ROBO2: variants seen among roughly 807,000 people sequenced by gnomAD.
ROBO2 encodes the protein roundabout guidance receptor 2, also known as roundabout homolog 2.
A neutral mutation model predicts 160.8 loss-of-function variants in ROBO2; 53 were observed. The ratio of observed to expected loss-of-function variants is 0.33; its 90% CI spans 0.26 to 0.41. The LOEUF (loss-of-function observed/expected upper bound fraction) is 0.41. ROBO2 is among the 10% of genes least tolerant of loss of function. The pLI, the probability that ROBO2 is intolerant of heterozygous loss-of-function variation, is 1.00. For missense variants in ROBO2, 1,577 were observed against 1,722.4 expected (o/e 0.92, Z 1.49); for synonymous variants, 664 against 611.7 (o/e 1.09, Z -1.26).
rs76557764 is a variant in ROBO2 at position 76,132,402 on chromosome 3, G to T, written c.109+194800G>T. 1.0e-3 allele frequency among the ~76,000 whole-genome samples: 64 copies of T among 62,796 alleles called. 11 individuals are homozygous for T. Among genetic ancestry groups the T allele is most frequent in the Non-Finnish European group, 2.8e-3 (54 of 19,184 alleles). 41.2% of individuals were successfully genotyped at this position (62,796 alleles called of 152,430 possible). A position where few individuals can be genotyped will look rare whatever the true frequency, so the allele number is the denominator to read the frequency against. On this transcript the variant is annotated intron_variant, in intron 2 of 26. Coordinates refer to the ROBO2 transcript ENST00000487694. ...CCCAAATTCCAGACTGTTGGGGGGG[G>T]GGGGGGACGCAGATGTTCAGCATAA...
At chr3:77,226,622 T>C (rs2151245429) in intron 2 of ROBO2, among the ~76,000 whole-genome samples, 1 of 152,270 alleles carries the variant, frequency 6.6e-6, no homozygotes, top group East Asian at 1.9e-4. Context: ...GATGGGGTTA[T>C]GTCCTGATAA....
chr3:76,745,359 A>G (rs1239545171), intron 2 of ROBO2, among the ~76,000 whole-genome samples: 1 of 151,864 alleles, frequency 6.6e-6, no homozygotes, highest in Non-Finnish European at 1.5e-5. Context: ...GTGTGATTTC[A>G]GTTCTCTTTA....
At chr3:77,370,639 A>G (rs902007537) in intron 2 of ROBO2, among the ~76,000 whole-genome samples, 2 of 152,228 alleles carry the variant, frequency 1.3e-5, no homozygotes, top group African/African-American at 2.4e-5. Flanking sequence ...GCCCACTGCC[A>G]TTTTTTGGTA....
chr3:76,965,529 T>C (rs1406341369), intron 2 of ROBO2, among the ~76,000 whole-genome samples: 1 of 152,162 alleles, frequency 6.6e-6, no homozygotes, highest in Admixed American at 6.5e-5. Context: ...TACCTATGCT[T>C]GTGCCAGACC....
At chr3:76,361,233 A>G (rs2075500304) in intron 2 of ROBO2, among the ~76,000 whole-genome samples, 1 of 152,066 alleles carries the variant, frequency 6.6e-6, no homozygotes, top group African/African-American at 2.4e-5. Flanking sequence ...AGCTTGGTCT[A>G]CTCAAGCCTC....
chr3:76,260,206 A>G (rs1276012577), intron 2 of ROBO2, among the ~76,000 whole-genome samples: 2 of 152,158 alleles, frequency 1.3e-5, no homozygotes, highest in African/African-American at 2.4e-5. Flanking sequence ...CGAGAGCCAC[A>G]TGAACTTGTG....
At chr3:76,452,171 A>T (rs924578203) in intron 2 of ROBO2, among the ~76,000 whole-genome samples, 1 of 151,662 alleles carries the variant, frequency 6.6e-6, no homozygotes, top group African/African-American at 2.4e-5. Flanking sequence ...CTTCCAACTT[A>T]TTTTTTTATT....
chr3:77,479,108 A>G (rs2084372733), intron 3 of ROBO2, among the ~76,000 whole-genome samples: 1 of 152,180 alleles, frequency 6.6e-6, no homozygotes, highest in Non-Finnish European at 1.5e-5. Flanking sequence ...AATGATTTTC[A>G]GAGAAGATAA....
At chr3:76,109,264 T>G (rs913653520) in intron 2 of ROBO2, among the ~76,000 whole-genome samples, 8 of 152,022 alleles carry the variant, frequency 5.3e-5, no homozygotes, top group Admixed American at 1.3e-4. Context: ...TTATAATGCT[T>G]CTTTTGAGTT....
chr3:76,629,510 G>T lies in ROBO2; in HGVS notation c.110-468504G>T, dbSNP rs1335878802. Among the ~76,000 whole-genome samples the T allele has an allele frequency of 2.6e-5, 4 of 152,162 alleles. No individual in the cohort carries two copies. In the South Asian group the frequency reaches 8.3e-4, roughly 32 times the overall value. ...GGAAGCATCCTGCATGCAGAAAGAT[G>T]CAGGCCAAAAGACTAAACCCGTCTA... is the stretch of plus-strand genomic sequence containing the variant. On this transcript the variant is annotated intron_variant, in intron 2 of 26. Coordinates refer to the ROBO2 transcript ENST00000487694.
At chr3:77,558,250 T>A in intron 9 of ROBO2, 101 bp downstream of exon 10, 1 of 913,380 alleles carries the variant, frequency 1.1e-6, no homozygotes, top group Non-Finnish European at 1.8e-6. Flanking sequence ...CCTAGTATAA[T>A]TGCTGCACGT....
chr3:77,182,916 G>A (rs1032605202), intron 2 of ROBO2, among the ~76,000 whole-genome samples: 1 of 151,944 alleles, frequency 6.6e-6, no homozygotes, highest in Admixed American at 6.6e-5. Flanking sequence ...TTTTATTTAA[G>A]CATTTCTGTA....
chr3:76,485,061 G>A (rs2079420175), intron 2 of ROBO2, among the ~76,000 whole-genome samples: 1 of 152,070 alleles, frequency 6.6e-6, no homozygotes, highest in Admixed American at 6.6e-5. Flanking sequence ...TTTTAAGGAA[G>A]GCAATTTTTC....
intron 2 of ROBO2, among the ~76,000 whole-genome samples, chr3:76,886,674 A>G (rs559867302): frequency 2.0e-5 from 3 of 152,274 alleles, no homozygotes; most frequent in Admixed American, 2.0e-4. Flanking sequence ...GAGTAATACT[A>G]GATGACTAGA....
At chr3:77,594,704 C>T (rs1051138815) in intron 17 of ROBO2, among the ~76,000 whole-genome samples, 11 of 152,022 alleles carry the variant, frequency 7.2e-5, no homozygotes, top group Non-Finnish European at 1.2e-4. Flanking sequence ...TTCATTAGAA[C>T]GACGTAACAT....
Position 76,580,235 on chromosome 3 carries a change from T to G in ROBO2, c.110-517779T>G, listed in dbSNP as rs138306489. 3.7e-3 allele frequency among the ~76,000 whole-genome samples: 541 copies of G among 147,168 alleles called. 7 individuals carry two copies. Among genetic ancestry groups the G allele is most frequent in the Admixed American group, 8.0e-3 (118 of 14,814 alleles). On this transcript the variant is annotated intron_variant, in intron 2 of 26. Coordinates refer to the ROBO2 transcript ENST00000487694. Reference sequence around the variant, plus strand: ...TCAAAGTCATTATTCATTATTATATTGTTAATTTGATTAATTTTTTATTTG... The same window carrying G: ...TCAAAGTCATTATTCATTATTATATGGTTAATTTGATTAATTTTTTATTTG...
intron 2 of ROBO2, among the ~76,000 whole-genome samples, chr3:77,221,702 C>T (rs2085814284): frequency 6.6e-6 from 1 of 151,962 alleles, no homozygotes; most frequent in Non-Finnish European, 1.5e-5. Flanking sequence ...AAAAACTTGG[C>T]AGTTTGGAAA....
chr3:76,630,253 T>C (rs533567017), intron 2 of ROBO2, among the ~76,000 whole-genome samples: 1 of 149,534 alleles, frequency 6.7e-6, no homozygotes, highest in East Asian at 1.9e-4. Flanking sequence ...TCTGCATGAG[T>C]GTGGGTGTGT....
At chr3:76,014,858 A>G (rs896792689) in intron 2 of ROBO2, among the ~76,000 whole-genome samples, 2 of 152,248 alleles carry the variant, frequency 1.3e-5, no homozygotes, top group African/African-American at 4.8e-5. Flanking sequence ...GGCCAGGGAG[A>G]TTGAGGTTGC....
Sources: allele counts gnomAD v4.1 joint callset (sites outside exome capture counted in the v4.1 genomes callset), GRCh38; gene constraint gnomAD v4.1.1; transcripts MANE v1.5; gene names NCBI Gene and HGNC (gene_info 2026-07-23, HGNC 2026-07-21).